Variants in FER observed in about 807,000 individuals in gnomAD.
FER encodes the protein FER tyrosine kinase, also known as tyrosine-protein kinase Fer.
FER carries 63 observed loss-of-function variants against 111.0 expected under a neutral mutation model. That is an observed-to-expected ratio of 0.57 (90% confidence interval 0.46 to 0.70). FER has a LOEUF of 0.70. Among genes scored for constraint, FER ranks in the 30% least tolerant of loss-of-function variants. The pLI, the probability that FER is intolerant of heterozygous loss-of-function variation, is 0.00. For missense variants in FER, 914 were observed against 954.0 expected, an observed-to-expected ratio of 0.96 and a Z score of 0.55; for synonymous variants, 327 against 313.9, an observed-to-expected ratio of 1.04 and a Z score of -0.44.
At position 109,145,499 on chromosome 5, in the gene FER, ATAAT is replaced by A. The variant is rs565373706; in HGVS notation, c.2049-35246_2049-35243del. Among the ~76,000 whole-genome samples the A allele has an allele frequency of 5.2e-3, 798 of 152,090 alleles. 6 individuals carry two copies. The highest frequency in any genetic ancestry group is 0.018 in the African/African-American group (764 of 41,518). On this transcript the variant is annotated intron_variant, in intron 17 of 19. Coordinates refer to ENST00000281092, the MANE Select transcript of FER (RefSeq NM_005246.4). ...AATTTTTTTCTTGCCTGAGTTGTAA[ATAAT>A]TTGCTCCCCCAACCCCCGCAACTTT...
chr5:109,166,145 T>TC, intron 17 of FER, among the ~76,000 whole-genome samples: 1 of 152,170 alleles, frequency 6.6e-6, no homozygotes, highest in East Asian at 1.9e-4. Flanking sequence ...TTTTTTTTTT[T>TC]CATTTTCTCA....
chr5:109,042,519 C>T (rs2149896078), intron 14 of FER, among the ~76,000 whole-genome samples: 1 of 152,228 alleles, frequency 6.6e-6, no homozygotes, highest in South Asian at 2.1e-4. Flanking sequence ...AAGACTGTCC[C>T]CCTGACCACC....
intron 2 of FER, 132 bp from the exon 3 acceptor site, chr5:108,797,992 G>T (rs1756227049): frequency 5.9e-6 from 3 of 505,850 alleles, no homozygotes; most frequent in Non-Finnish European, 1.1e-5. Flanking sequence ...TCTTGTTTCT[G>T]ATCTTTGGAA....
At chr5:109,117,812 C>CT (rs1419607649) in intron 17 of FER, among the ~76,000 whole-genome samples, 1 of 151,416 alleles carries the variant, frequency 6.6e-6, no homozygotes, top group Non-Finnish European at 1.5e-5. Context: ...CTCTGTTTGT[C>CT]TGTTATTGGT....
At chr5:108,862,052 A>C (rs1017879429) in intron 5 of FER, among the ~76,000 whole-genome samples, 2 of 152,188 alleles carry the variant, frequency 1.3e-5, no homozygotes, top group Non-Finnish European at 2.9e-5. Flanking sequence ...TGAGCTGTGG[A>C]GTACTCCTCC....
At chr5:108,853,412 G>T (rs1292901450) in intron 5 of FER, among the ~76,000 whole-genome samples, 2 of 152,090 alleles carry the variant, frequency 1.3e-5, no homozygotes, top group African/African-American at 4.8e-5. Flanking sequence ...GTGAAACATA[G>T]CATATGAAAT....
rs141039647 is a variant in FER at position 108,976,922 on chromosome 5, T to C, written c.1656+17575T>C. ...CTGCTGGGAACATTTCCAGCATCAC[T>C]AGTGGCACTTTATGTGGGTCCCATG... On this transcript the variant is annotated intron_variant, in intron 13 of 19. Coordinates refer to ENST00000281092, the MANE Select transcript of FER (RefSeq NM_005246.4). Among the ~76,000 whole-genome samples the C allele has an allele frequency of 9.2e-5, 14 of 152,330 alleles. No homozygotes were observed. In the East Asian group the frequency reaches 2.7e-3, roughly 29 times the overall value.
chr5:108,877,163 T>C (rs1242574344), intron 8 of FER, among the ~76,000 whole-genome samples: 4 of 152,300 alleles, frequency 2.6e-5, no homozygotes, highest in African/African-American at 9.6e-5. Context: ...ATCTCTTGCA[T>C]AGAGCCTTGC....
At chr5:109,008,946 G>A (rs186055558) in intron 13 of FER, among the ~76,000 whole-genome samples, 50 of 152,038 alleles carry the variant, frequency 3.3e-4, no homozygotes, top group African/African-American at 1.0e-3. Context: ...CTCTAGCCTG[G>A]GCAACAAGAG....
chr5:108,751,492 G>T (rs1008783139), intron 1 of FER, among the ~76,000 whole-genome samples: 1 of 152,096 alleles, frequency 6.6e-6, no homozygotes, highest in Non-Finnish European at 1.5e-5. Flanking sequence ...AAAACGTTTT[G>T]CTTCAAAATT....
chr5:108,803,914 G>A (rs1756934933), intron 3 of FER, among the ~76,000 whole-genome samples: 1 of 152,082 alleles, frequency 6.6e-6, no homozygotes, highest in African/African-American at 2.4e-5. Flanking sequence ...TCTGTAGATT[G>A]CTTTGGGCTG....
intron 13 of FER, among the ~76,000 whole-genome samples, chr5:108,966,346 T>G (rs1487566885): frequency 1.3e-5 from 2 of 152,004 alleles, no homozygotes; most frequent in African/African-American, 4.8e-5. Flanking sequence ...ATATTCACCA[T>G]TTCATCATTT....
At chr5:108,870,649 A>G (rs1764513686) in intron 6 of FER, among the ~76,000 whole-genome samples, 1 of 152,160 alleles carries the variant, frequency 6.6e-6, no homozygotes, top group Non-Finnish European at 1.5e-5. Context: ...ATGATGGTGG[A>G]AAAGAAAAAC....
chr5:108,785,236 C>A, intron 2 of FER: 1 of 586,210 alleles, frequency 1.7e-6, no homozygotes, highest in Middle Eastern at 3.0e-4. Flanking sequence ...CATCTGGAGG[C>A]AAGGATGGCC....
chr5:108,869,629 G>A (rs1764415356), intron 6 of FER, among the ~76,000 whole-genome samples: 1 of 152,016 alleles, frequency 6.6e-6, no homozygotes, highest in African/African-American at 2.4e-5. Context: ...TCTTTGAAGG[G>A]CTCCCCCGTG....
chr5:108,997,912 C>T (rs561885431), intron 13 of FER, among the ~76,000 whole-genome samples: 1 of 152,182 alleles, frequency 6.6e-6, no homozygotes, highest in South Asian at 2.1e-4. Context: ...GTTCGAAATT[C>T]CCTGTGGCTT....
chr5:108,793,829 A>T (rs1755682543), intron 2 of FER, among the ~76,000 whole-genome samples: 1 of 152,158 alleles, frequency 6.6e-6, no homozygotes, highest in Non-Finnish European at 1.5e-5. Context: ...GAAGCTTGCA[A>T]ATACTGTTTT....
At chr5:109,002,206 TA>T (rs1295836992) in intron 13 of FER, among the ~76,000 whole-genome samples, 1 of 151,894 alleles carries the variant, frequency 6.6e-6, no homozygotes, top group African/African-American at 2.4e-5. Context: ...GGCATCACGC[TA>T]CCTGACTTCA....
intron 8 of FER, among the ~76,000 whole-genome samples, chr5:108,874,064 G>C (rs1347667028): frequency 1.3e-5 from 2 of 152,030 alleles, no homozygotes; most frequent in African/African-American, 4.8e-5. Context: ...TTATTCATCT[G>C]ATATATTTAC....
Sources: gnomAD v4.1 joint callset for allele counts (sites outside exome capture counted in the v4.1 genomes callset) on GRCh38, gnomAD v4.1.1 for gene constraint, MANE v1.5 for transcripts, NCBI Gene and HGNC (gene_info 2026-07-23, HGNC 2026-07-21) for gene names.